Variants in KIF11 observed in about 807,000 individuals in gnomAD.
KIF11 encodes the protein kinesin-like protein KIF11.
In KIF11, 9 loss-of-function variants were observed where a neutral mutation model predicts 121.0. The observed-to-expected ratio is 0.07, with a 90% CI of 0.04 to 0.13. The LOEUF (loss-of-function observed/expected upper bound fraction) is 0.13, where lower values mean the gene tolerates loss of function less well. KIF11 is among the 10% of genes least tolerant of loss of function. The pLI, the probability that KIF11 is intolerant of heterozygous loss-of-function variation, is 1.00. For synonymous variants in KIF11, 408 were observed against 421.0 expected, an observed-to-expected ratio of 0.97 and a Z score of 0.38; for missense variants, 846 against 1,217.5, an observed-to-expected ratio of 0.69 and a Z score of 4.54.
intron 14 of KIF11, among the ~76,000 whole-genome samples, chr10:92,634,900 A>C (rs78108353): frequency 4.6e-5 from 7 of 152,352 alleles, no homozygotes; most frequent in Admixed American, 2.6e-4. Flanking sequence ...AAAATATCTT[A>C]GAATTCTGGG....
At chr10:92,615,486 C>T (rs1301316805) in intron 8 of KIF11, among the ~76,000 whole-genome samples, 1 of 151,968 alleles carries the variant, frequency 6.6e-6, no homozygotes, top group Non-Finnish European at 1.5e-5. Flanking sequence ...AATTCACATA[C>T]CATAAAATTC....
intron 1 of KIF11, chr10:92,596,934 GTGC>G: frequency 3.3e-6 from 1 of 307,688 alleles, no homozygotes; most frequent in South Asian, 3.6e-5. Context: ...TGTGTCTGCA[GTGC>G]TGAAACCAGG....
intron 12 of KIF11, among the ~76,000 whole-genome samples, chr10:92,631,779 G>C (rs1263182028): frequency 6.7e-6 from 1 of 149,284 alleles, no homozygotes; most frequent in Non-Finnish European, 1.5e-5. Flanking sequence ...GGGTTCAAGC[G>C]ATTCTCCCGC....
At chr10:92,626,150 C>T (rs111339086) in intron 10 of KIF11, among the ~76,000 whole-genome samples, 88 of 152,234 alleles carry the variant, frequency 5.8e-4, no homozygotes, top group African/African-American at 2.0e-3. Context: ...CTGGAGGCAT[C>T]GCATTACCTG....
In KIF11 at chr10:92,609,033, G is replaced by T; in HGVS notation, c.401G>T (p.Gly134Val). The change falls in exon 5 of 22, where the codon GGT (glycine) becomes GTT (valine). Residue 134 changes from glycine to valine, a missense_variant. This residue lies in a region of KIF11 where 140 missense variants were observed against 193.5 expected (regional missense o/e 0.72). Transcript: ENST00000260731. Reference protein sequence around the residue: ...EYTWEEDPLAGIIPRTLHQIF... With the variant: ...EYTWEEDPLAVIIPRTLHQIF... ...TTATAATTTCAGGATCCCTTGGCTG[G>T]TATAATTCCACGTACCCTTCATCAA... is the stretch of plus-strand genomic sequence containing the variant. 2 of 1,559,144 alleles carry T rather than the reference G, an allele frequency of 1.3e-6. No homozygotes were observed. The highest frequency in any genetic ancestry group is 1.9e-5 in the Admixed American group (1 of 53,148).
intron 1 of KIF11, among the ~76,000 whole-genome samples, chr10:92,601,663 C>T (rs779101801): frequency 6.6e-6 from 1 of 151,884 alleles, no homozygotes; most frequent in African/African-American, 2.4e-5. Context: ...TCCTGAGTAG[C>T]TGGGACTATA....
intron 21 of KIF11, 27 bp downstream of exon 21, chr10:92,650,544 C>T: frequency 8.5e-7 from 1 of 1,176,600 alleles, no homozygotes. Context: ...AACCCTTCCA[C>T]ATCTGATGTA....
intron 4 of KIF11, among the ~76,000 whole-genome samples, chr10:92,607,663 T>C (rs558148381): frequency 6.6e-6 from 1 of 152,298 alleles, no homozygotes; most frequent in Non-Finnish European, 1.5e-5. Context: ...TATTGTTTAA[T>C]ATTGCAGAAA....
At position 92,648,299 on chromosome 10, in the gene KIF11, A is replaced by G. The variant is rs752393043; in HGVS notation, c.2635A>G (p.Ile879Val). The change falls in exon 19 of 22, where the codon ATT becomes GTT. Residue 879 changes from isoleucine to valine, a missense_variant. This residue lies in a region of KIF11 where 492 missense variants were observed against 603.4 expected (regional missense o/e 0.82). Coordinates refer to ENST00000260731, the MANE Select transcript of KIF11 (RefSeq NM_004523.4). ...RKAAHEKQHNIFLDQMTIDED... is the reference protein window; with the variant it reads ...RKAAHEKQHNVFLDQMTIDED... The stretch of plus-strand genomic sequence containing the variant: ...GGCAGCTCATGAGAAACAGCATAAC[A>G]TTTTTCTTGATCAGATGACTATTGA... 2.2e-5 allele frequency: 36 copies of G among 1,612,812 alleles called. No homozygotes were observed. The highest frequency in any genetic ancestry group is 2.9e-5 in the Non-Finnish European group (34 of 1,178,994).
chr10:92,609,067 G>A lies in KIF11; in HGVS notation c.435G>A (p.Glu145=), dbSNP rs780508787. Reference sequence around the variant, plus strand: ...CACGTACCCTTCATCAAATTTTTGAGAAACTTACTGATAATGGTACTGAAT... The same window carrying A: ...CACGTACCCTTCATCAAATTTTTGAAAAACTTACTGATAATGGTACTGAAT... ...IIPRTLHQIF[E]KLTDNGTEFS... is the part of the protein sequence containing the mutation. Residue 145 remains glutamate (E), a synonymous_variant, in exon 5 of 22, where the codon GAG becomes GAA. Transcript: ENST00000260731. The A allele has an allele frequency of 2.5e-6, 4 of 1,596,182 alleles. No individual in the cohort carries two copies. The African/African-American group carries it at 4.0e-5, about 16-fold the overall frequency.
At position 92,651,513 on chromosome 10, in the gene KIF11, T is replaced by A. The variant is rs1564719274; in HGVS notation, c.3039+996T>A. 2.8e-3 allele frequency among the ~76,000 whole-genome samples: 121 copies of A among 43,774 alleles called. 11 individuals carry two copies. The highest frequency in any genetic ancestry group is 0.023 in the African/African-American group (115 of 5,096). 28.7% of individuals were successfully genotyped at this position (43,774 alleles called of 152,430 possible). A position where few individuals can be genotyped will look rare whatever the true frequency, so the allele number is the denominator to read the frequency against. On this transcript the variant is annotated intron_variant, in intron 21 of 21. Transcript: ENST00000260731. ...ACCATGCCTGGCTAATTTTGTTTTT[T>A]TTTTTTTTTTTTTTTTTTTTTTTTT...
intron 10 of KIF11, among the ~76,000 whole-genome samples, chr10:92,627,889 G>A (rs1844696838): frequency 6.6e-6 from 1 of 152,100 alleles, no homozygotes; most frequent in East Asian, 1.9e-4. Flanking sequence ...TGATTAGAGT[G>A]GGTATAGGGG....
intron 6 of KIF11, among the ~76,000 whole-genome samples, chr10:92,612,762 C>G (rs916527216): frequency 2.0e-5 from 3 of 152,140 alleles, no homozygotes; most frequent in Admixed American, 6.5e-5. Flanking sequence ...CTGTTTCGAC[C>G]CCACCCACAT....
intron 17 of KIF11, among the ~76,000 whole-genome samples, chr10:92,644,020 G>C (rs1589606386): frequency 6.6e-6 from 1 of 152,036 alleles, no homozygotes; most frequent in East Asian, 1.9e-4. Flanking sequence ...CTAGTATCTA[G>C]ACTGATGGAT....
At chr10:92,645,710 A>T in intron 18 of KIF11, 68 bp downstream of exon 18, 2 of 1,199,856 alleles carry the variant, frequency 1.7e-6, no homozygotes, top group South Asian at 3.0e-5. Flanking sequence ...ATTCTTGGCT[A>T]AGAATAGATT....
intron 1 of KIF11, among the ~76,000 whole-genome samples, chr10:92,599,777 C>T (rs1223792052): frequency 7.5e-5 from 11 of 146,810 alleles, no homozygotes; most frequent in South Asian, 2.2e-4. Context: ...CTCAGCCTCC[C>T]GAGTAGCTGG....
chr10:92,626,054 C>G (rs1844672908), intron 10 of KIF11, among the ~76,000 whole-genome samples: 2 of 152,178 alleles, frequency 1.3e-5, no homozygotes, highest in Admixed American at 6.5e-5. Context: ...CAATGACATT[C>G]TTCACAGAAA....
chr10:92,597,148 A>G (rs969863342), intron 1 of KIF11: 7 of 275,298 alleles, frequency 2.5e-5, no homozygotes, highest in East Asian at 9.3e-5. Context: ...GTGGGTGGCA[A>G]TCTTCACTTC....
chr10:92,617,845 T>G (rs1564708102), intron 9 of KIF11, among the ~76,000 whole-genome samples: 1 of 152,116 alleles, frequency 6.6e-6, no homozygotes, highest in Non-Finnish European at 1.5e-5. Flanking sequence ...GTTCAAGTGA[T>G]TCTTCGACCT....
Sources: allele counts gnomAD v4.1 joint callset (sites outside exome capture counted in the v4.1 genomes callset), GRCh38; gene constraint gnomAD v4.1.1; regional missense constraint gnomAD v4.1.1; transcripts MANE v1.5; gene names NCBI Gene and HGNC (gene_info 2026-07-23, HGNC 2026-07-21).